Variants in TRAPPC9 observed in about 807,000 individuals in gnomAD.
The protein encoded by TRAPPC9 is IKK2 binding protein.
TRAPPC9 carries 83 observed loss-of-function variants against 124.0 expected under a neutral mutation model. The observed-to-expected ratio is 0.67, with a 90% CI of 0.56 to 0.80. The LOEUF (loss-of-function observed/expected upper bound fraction) is 0.80. Among genes scored for constraint, TRAPPC9 ranks in the 30% least tolerant of loss-of-function variants. The probability of loss-of-function intolerance (pLI) is 0.00; values close to 1 mark genes in which losing one functional copy is unlikely to be tolerated. For synonymous variants in TRAPPC9, 638 were observed against 617.5 expected (o/e 1.03, Z -0.49); for missense variants, 1,302 against 1,508.3 (o/e 0.86, Z 2.27).
rs117377723 is a variant in TRAPPC9 at position 140,118,638 on chromosome 8, G to A, written c.2557-94559C>T. Among the ~76,000 whole-genome samples, 107 of 152,322 alleles carry A rather than the reference G, an allele frequency of 7.0e-4. No individual in the cohort carries two copies. In the East Asian group the frequency reaches 0.017, roughly 24 times the overall value. ...GCCAAGAAGATGCCTCCACCTGCGG[G>A]TCTGGAGTTGGTGCTGAGAGAATCC... On this transcript the variant is annotated intron_variant, in intron 17 of 22. Coordinates refer to ENST00000438773, the MANE Select transcript of TRAPPC9 (RefSeq NM_001160372.4).
intron 8 of TRAPPC9, among the ~76,000 whole-genome samples, chr8:140,367,836 G>C (rs1447536949): frequency 6.6e-6 from 1 of 152,200 alleles, no homozygotes; most frequent in African/African-American, 2.4e-5. Flanking sequence ...AGGGCAGGAG[G>C]TAAGTGGGTC....
chr8:140,077,331 T>C (rs1283051849), intron 17 of TRAPPC9, among the ~76,000 whole-genome samples: 1 of 152,116 alleles, frequency 6.6e-6, no homozygotes, highest in Non-Finnish European at 1.5e-5. Context: ...AGTAAATGAA[T>C]AAATGGGTGA....
intron 9 of TRAPPC9, among the ~76,000 whole-genome samples, chr8:140,323,886 T>A (rs987195588): frequency 5.8e-5 from 7 of 120,684 alleles, no homozygotes; most frequent in Non-Finnish European, 1.2e-4. Flanking sequence ...CAAACTTTTT[T>A]AAAAAATATA....
chr8:140,024,890 C>T (rs1840043345), intron 17 of TRAPPC9, among the ~76,000 whole-genome samples: 1 of 152,162 alleles, frequency 6.6e-6, no homozygotes, highest in Non-Finnish European at 1.5e-5. Context: ...TGAGTAAAAG[C>T]CGACAAACTC....
intron 2 of TRAPPC9, among the ~76,000 whole-genome samples, chr8:140,440,866 C>T (rs2070988925): frequency 6.6e-6 from 1 of 152,042 alleles, no homozygotes; most frequent in Non-Finnish European, 1.5e-5. Context: ...AACTTCCACT[C>T]TCTTTTAGGC....
At chr8:139,966,059 G>A (rs1173054464) in intron 19 of TRAPPC9, among the ~76,000 whole-genome samples, 5 of 152,200 alleles carry the variant, frequency 3.3e-5, no homozygotes, top group East Asian at 1.9e-4. Context: ...CACATAGGAC[G>A]TTTCTATGAA....
chr8:140,016,740 T>G (rs1229859431), intron 18 of TRAPPC9, among the ~76,000 whole-genome samples: 1 of 152,220 alleles, frequency 6.6e-6, no homozygotes, highest in Non-Finnish European at 1.5e-5. Flanking sequence ...GGAATAAAGC[T>G]GTTACGAAAA....
intron 15 of TRAPPC9, among the ~76,000 whole-genome samples, chr8:140,272,412 T>C (rs1220569884): frequency 8.7e-6 from 1 of 114,900 alleles, no homozygotes; most frequent in African/African-American, 2.7e-5. Flanking sequence ...GTGATAATGG[T>C]GATGGTGATG....
chr8:140,174,155 G>A (rs1200399076), intron 17 of TRAPPC9, among the ~76,000 whole-genome samples: 1 of 152,098 alleles, frequency 6.6e-6, no homozygotes, highest in African/African-American at 2.4e-5. Flanking sequence ...TCACTTATAA[G>A]TGGGAGCTAA....
intron 21 of TRAPPC9, among the ~76,000 whole-genome samples, chr8:139,768,279 T>C (rs1325797786): frequency 6.6e-6 from 1 of 152,222 alleles, no homozygotes; most frequent in Non-Finnish European, 1.5e-5. Flanking sequence ...TACTCAGCAT[T>C]GAGGATCTGG....
chr8:139,785,252 G>T (rs1387830664), intron 21 of TRAPPC9, among the ~76,000 whole-genome samples: 1 of 152,172 alleles, frequency 6.6e-6, no homozygotes, highest in Non-Finnish European at 1.5e-5. Context: ...TCCCTACGTT[G>T]TATTCTGTAA....
chr8:140,412,011 G>C (rs922275100), intron 5 of TRAPPC9, among the ~76,000 whole-genome samples: 2 of 152,220 alleles, frequency 1.3e-5, no homozygotes, highest in African/African-American at 4.8e-5. Flanking sequence ...GTGGGTGAAA[G>C]TGTGATGACA....
At chr8:140,138,488 T>C (rs983848737) in intron 17 of TRAPPC9, among the ~76,000 whole-genome samples, 2 of 152,116 alleles carry the variant, frequency 1.3e-5, no homozygotes, top group African/African-American at 4.8e-5. Context: ...AAGTAGCGTC[T>C]TTGCCAGTTC....
chr8:140,153,199 A>G (rs1021709887), intron 17 of TRAPPC9, among the ~76,000 whole-genome samples: 1 of 152,168 alleles, frequency 6.6e-6, no homozygotes, highest in African/African-American at 2.4e-5. Context: ...CTTTTTCCTC[A>G]GACTACAGGA....
chr8:140,317,050 G>A lies in TRAPPC9; in HGVS notation c.1496-5676C>T, dbSNP rs528482394. 2.6e-5 allele frequency among the ~76,000 whole-genome samples: 4 copies of A among 152,122 alleles called. No individual in the cohort carries two copies. The East Asian group carries it at 7.7e-4, about 29-fold the overall frequency. On this transcript the variant is annotated intron_variant, in intron 9 of 22. Coordinates refer to ENST00000438773, the MANE Select transcript of TRAPPC9 (RefSeq NM_001160372.4). The stretch of plus-strand genomic sequence containing the variant: ...CTCTTGTGATCTTTTATGTTTCTGT[G>A]TTATCAGTTGTAAATTTCTCCTTTT...
chr8:139,917,167 C>CTTTTTTTTTTTTTTTTTTTTTT lies in TRAPPC9; in HGVS notation c.2811-6868_2811-6867insAAAAAAAAAAAAAAAAAAAAAA, dbSNP rs71318317. 4.4e-4 allele frequency among the ~76,000 whole-genome samples: 44 copies of CTTTTTTTTTTTTTTTTTTTTTT among 99,926 alleles called. 2 individuals are homozygous for CTTTTTTTTTTTTTTTTTTTTTT. Among genetic ancestry groups the CTTTTTTTTTTTTTTTTTTTTTT allele is most frequent in the African/African-American group, 8.2e-4 (19 of 23,214 alleles). 65.6% of individuals were successfully genotyped at this position (99,926 alleles called of 152,430 possible). A position where few individuals can be genotyped will look rare whatever the true frequency, so the allele number is the denominator to read the frequency against. ...AGAAATCCTTCTTCATTATTATTTT[C>CTTTTTTTTTTTTTTTTTTTTTT]TTTTTTTTTTTTTTTTTTTTTGTTG... On this transcript the variant is annotated intron_variant, in intron 19 of 22. Transcript: ENST00000438773.
At chr8:140,376,553 T>TAAA (rs34319639) in intron 7 of TRAPPC9, among the ~76,000 whole-genome samples, 24 of 49,742 alleles carry the variant, frequency 4.8e-4, no homozygotes, top group Non-Finnish European at 6.5e-4. Context: ...AGACTCCATC[T>TAAA]AAAAAAAAAA....
At chr8:140,421,589 A>T (rs1588323772) in intron 5 of TRAPPC9, among the ~76,000 whole-genome samples, 1 of 152,152 alleles carries the variant, frequency 6.6e-6, no homozygotes, top group Non-Finnish European at 1.5e-5. Context: ...CATTGTACAC[A>T]GTGACTGAAG....
At chr8:139,905,116 T>C (rs893172373) in intron 20 of TRAPPC9, among the ~76,000 whole-genome samples, 19 of 152,284 alleles carry the variant, frequency 1.2e-4, no homozygotes, top group African/African-American at 4.6e-4. Flanking sequence ...CATCACTGTA[T>C]AGCAAATAAG....
Sources: allele counts gnomAD v4.1 joint callset (sites outside exome capture counted in the v4.1 genomes callset), GRCh38; gene constraint gnomAD v4.1.1; transcripts MANE v1.5; gene names NCBI Gene and HGNC (gene_info 2026-07-23, HGNC 2026-07-21).